Variants in NKAIN2 observed in about 807,000 individuals in gnomAD.
NKAIN2 encodes sodium/potassium-transporting ATPase subunit beta-1-interacting protein 2.
NKAIN2 carries 14 observed loss-of-function variants against 32.6 expected under a neutral mutation model. The ratio of observed to expected loss-of-function variants is 0.43; its 90% CI spans 0.28 to 0.67. NKAIN2 has a LOEUF of 0.67. Ranked by LOEUF, NKAIN2 falls within the 30% of genes least tolerant of loss-of-function variation. NKAIN2 has a pLI of 0.17. For synonymous variants in NKAIN2, 80 were observed against 87.2 expected (o/e 0.92, Z 0.46); for missense variants, 198 against 258.3 (o/e 0.77, Z 1.60).
chr6:124,049,555 T>G (rs546822297), intron 1 of NKAIN2, among the ~76,000 whole-genome samples: 2 of 152,240 alleles, frequency 1.3e-5, no homozygotes, highest in East Asian at 3.9e-4. Context: ...AGTTTTACTT[T>G]CTGTGATTTC....
intron 1 of NKAIN2, among the ~76,000 whole-genome samples, chr6:124,278,494 A>G (rs1041337901): frequency 1.3e-5 from 2 of 151,450 alleles, no homozygotes; most frequent in African/African-American, 4.8e-5. Context: ...GCTTAAGCAT[A>G]CTCTGCTATA....
At chr6:124,658,513 G>T (rs752572829) in intron 4 of NKAIN2, 127 bp downstream of exon 4, 4 of 1,506,862 alleles carry the variant, frequency 2.7e-6, no homozygotes, top group Non-Finnish European at 3.5e-6. Flanking sequence ...TCATTAATGC[G>T]ACTTTTAACA....
intron 4 of NKAIN2, among the ~76,000 whole-genome samples, chr6:124,724,860 T>A (rs554701714): frequency 7.3e-4 from 111 of 152,366 alleles, no homozygotes; most frequent in Middle Eastern, 3.4e-3. Flanking sequence ...TATGTTCACA[T>A]AGCTTGGCCT....
intron 3 of NKAIN2, among the ~76,000 whole-genome samples, chr6:124,412,523 G>T (rs575242051): frequency 1.3e-5 from 2 of 152,238 alleles, no homozygotes; most frequent in South Asian, 2.1e-4. Flanking sequence ...CTGCCTGATT[G>T]TTCCTCTGGA....
intron 3 of NKAIN2, among the ~76,000 whole-genome samples, chr6:124,550,672 A>G (rs1780254397): frequency 6.6e-6 from 1 of 152,188 alleles, no homozygotes; most frequent in East Asian, 1.9e-4. Context: ...TTGACTATGC[A>G]GGAATAGTGA....
chr6:124,616,141 A>G (rs1782878461), intron 3 of NKAIN2, among the ~76,000 whole-genome samples: 2 of 151,986 alleles, frequency 1.3e-5, no homozygotes, highest in East Asian at 1.9e-4. Flanking sequence ...CCCAAACTCT[A>G]TCCTCTTCTT....
At chr6:124,186,163 G>A (rs1484608053) in intron 1 of NKAIN2, among the ~76,000 whole-genome samples, 1 of 144,692 alleles carries the variant, frequency 6.9e-6, no homozygotes, top group Admixed American at 7.0e-5. Context: ...AAGGGAGGGA[G>A]GGAGGGAGGG....
intron 2 of NKAIN2, among the ~76,000 whole-genome samples, chr6:124,297,503 G>A (rs1388754388): frequency 1.3e-5 from 2 of 151,954 alleles, no homozygotes; most frequent in Admixed American, 6.6e-5. Flanking sequence ...AGGCAGAAAA[G>A]GTGGAAACTG....
chr6:124,692,825 A>G (rs554695153), intron 4 of NKAIN2, among the ~76,000 whole-genome samples: 4 of 152,278 alleles, frequency 2.6e-5, no homozygotes, highest in African/African-American at 9.6e-5. Context: ...AAAAGAAAAA[A>G]AAAAATATAT....
chr6:124,274,850 C>A (rs1794955076), intron 1 of NKAIN2, among the ~76,000 whole-genome samples: 1 of 151,644 alleles, frequency 6.6e-6, no homozygotes, highest in African/African-American at 2.4e-5. Flanking sequence ...CTAAAAAAAC[C>A]CTATTACTGA....
intron 3 of NKAIN2, among the ~76,000 whole-genome samples, chr6:124,545,543 T>C (rs961113759): frequency 1.3e-5 from 2 of 152,096 alleles, no homozygotes; most frequent in Non-Finnish European, 2.9e-5. Flanking sequence ...TAAGTGTTTA[T>C]TATTTGACCA....
chr6:124,665,886 G>A (rs78998308), intron 4 of NKAIN2, among the ~76,000 whole-genome samples: 4,570 of 152,192 alleles, frequency 0.03, 85 homozygotes, highest in East Asian at 0.072. Flanking sequence ...TGTGCGTACC[G>A]TACTTCTCAG....
chr6:124,734,342 G>A (rs961228064), intron 4 of NKAIN2, among the ~76,000 whole-genome samples: 3 of 151,708 alleles, frequency 2.0e-5, no homozygotes, highest in Non-Finnish European at 2.9e-5. Flanking sequence ...CCTCAGGACT[G>A]GGATCTTGCC....
intron 2 of NKAIN2, among the ~76,000 whole-genome samples, chr6:124,339,492 A>G (rs1230507088): frequency 6.6e-6 from 1 of 152,120 alleles, no homozygotes; most frequent in African/African-American, 2.4e-5. Flanking sequence ...AGGTTCTGTT[A>G]GCTGTGGGAT....
intron 4 of NKAIN2, among the ~76,000 whole-genome samples, chr6:124,689,213 A>G (rs1774142020): frequency 3.9e-5 from 6 of 152,046 alleles, no homozygotes; most frequent in Admixed American, 3.9e-4. Flanking sequence ...TTCAGCCTAC[A>G]TCTCCCTGAT....
intron 3 of NKAIN2, among the ~76,000 whole-genome samples, chr6:124,595,331 G>C (rs1386418104): frequency 6.6e-6 from 1 of 152,126 alleles, no homozygotes; most frequent in Non-Finnish European, 1.5e-5. Flanking sequence ...CTTCAACACT[G>C]CTTCAAAGTG....
intron 3 of NKAIN2, among the ~76,000 whole-genome samples, chr6:124,440,866 G>T (rs2114594771): frequency 6.6e-6 from 1 of 152,150 alleles, no homozygotes; most frequent in African/African-American, 2.4e-5. Flanking sequence ...GAGACAGGAA[G>T]CAGAAATTCC....
intron 4 of NKAIN2, among the ~76,000 whole-genome samples, chr6:124,745,125 C>T (rs190392928): frequency 5.3e-5 from 8 of 151,838 alleles, no homozygotes; most frequent in Non-Finnish European, 1.0e-4. Flanking sequence ...ATGCAGGATA[C>T]TATAAAATGT....
Position 124,377,784 on chromosome 6 carries a change from T to A in NKAIN2, c.273+22437T>A, listed in dbSNP as rs112136203. ...TAAAATAGTTTGCATTTTAGGAATA[T>A]AACTAGAGTGACCCTCTTCATAATT... On this transcript the variant is annotated intron_variant, in intron 3 of 6. Coordinates refer to ENST00000368417, the MANE Select transcript of NKAIN2 (RefSeq NM_001040214.3). Among the ~76,000 whole-genome samples, 797 of 152,300 alleles carry A rather than the reference T, an allele frequency of 5.2e-3. 3 individuals carry two copies. Among genetic ancestry groups the A allele is most frequent in the African/African-American group, 0.018 (732 of 41,572 alleles).
Sources: gnomAD v4.1 joint callset for allele counts (sites outside exome capture counted in the v4.1 genomes callset) on GRCh38, gnomAD v4.1.1 for gene constraint, MANE v1.5 for transcripts, NCBI Gene and HGNC (gene_info 2026-07-23, HGNC 2026-07-21) for gene names.